DCAF6: variants seen among roughly 807,000 people sequenced by gnomAD.
DCAF6 encodes the protein DDB1 and CUL4 associated factor 6.
A neutral mutation model predicts 125.1 loss-of-function variants in DCAF6; 54 were observed. The ratio of observed to expected loss-of-function variants is 0.43; its 90% CI spans 0.35 to 0.54. The LOEUF (loss-of-function observed/expected upper bound fraction) is 0.54, where lower values mean the gene tolerates loss of function less well. Among genes scored for constraint, DCAF6 ranks in the 20% least tolerant of loss-of-function variants. DCAF6 has a pLI of 0.01. For missense variants in DCAF6, 934 were observed against 1,161.7 expected, an observed-to-expected ratio of 0.80 and a Z score of 2.85; for synonymous variants, 371 against 390.4, an observed-to-expected ratio of 0.95 and a Z score of 0.58.
chr1:168,063,990 G>C (rs2101961477), intron 18 of DCAF6: 1 of 254,936 alleles, frequency 3.9e-6, no homozygotes, highest in East Asian at 7.7e-5. Flanking sequence ...AAAATTTTTA[G>C]TTTATACAAG....
At chr1:167,948,163 T>C (rs1673369760) in intron 1 of DCAF6, among the ~76,000 whole-genome samples, 1 of 151,158 alleles carries the variant, frequency 6.6e-6, no homozygotes, top group African/African-American at 2.4e-5. Context: ...TGTTTTTAGA[T>C]GGTTTTTTCT....
chr1:167,945,650 C>T (rs1299605308), intron 1 of DCAF6, among the ~76,000 whole-genome samples: 1 of 151,622 alleles, frequency 6.6e-6, no homozygotes, highest in Non-Finnish European at 1.5e-5. Flanking sequence ...CACCACTATG[C>T]CCAGCTAATT....
At chr1:168,057,324 T>C (rs1467348519) in intron 17 of DCAF6, among the ~76,000 whole-genome samples, 1 of 152,208 alleles carries the variant, frequency 6.6e-6, no homozygotes, top group African/African-American at 2.4e-5. Context: ...AACGGGTTTA[T>C]AGACTGTTTC....
intron 16 of DCAF6, among the ~76,000 whole-genome samples, chr1:168,046,992 T>C (rs1260621030): frequency 6.6e-6 from 1 of 152,142 alleles, no homozygotes; most frequent in African/African-American, 2.4e-5. Flanking sequence ...TAGCAGCTTC[T>C]ATGCAGGCTA....
chr1:168,043,808 A>G (rs1688833753), intron 14 of DCAF6, among the ~76,000 whole-genome samples: 1 of 152,210 alleles, frequency 6.6e-6, no homozygotes, highest in East Asian at 1.9e-4. Flanking sequence ...CTGATCCTTC[A>G]TGCATCTGAC....
intron 7 of DCAF6, among the ~76,000 whole-genome samples, chr1:167,999,712 A>C (rs960167401): frequency 8.5e-5 from 13 of 152,116 alleles, no homozygotes; most frequent in Admixed American, 5.9e-4. Flanking sequence ...TACCTCTAAC[A>C]GTTTTCATAG....
chr1:167,871,067 GTT>G, the DCAF6 span, among the ~76,000 whole-genome samples: 33 of 150,440 alleles, frequency 2.2e-4, no homozygotes, highest in African/African-American at 7.6e-4. Flanking sequence ...CCTAAAGCTT[GTT>G]TTTTTTTGTT....
chr1:167,988,715 T>A (rs1461258277), intron 5 of DCAF6, among the ~76,000 whole-genome samples: 1 of 151,766 alleles, frequency 6.6e-6, no homozygotes, highest in Non-Finnish European at 1.5e-5. Flanking sequence ...AGTTACCAAC[T>A]GGTTAACATG....
chr1:168,072,632 A>C (rs1693257668), intron 21 of DCAF6, among the ~76,000 whole-genome samples: 1 of 152,202 alleles, frequency 6.6e-6, no homozygotes, highest in African/African-American at 2.4e-5. Flanking sequence ...GTAGTTGCTT[A>C]ACAAATACTG....
At chr1:167,883,121 T>A in the DCAF6 span, among the ~76,000 whole-genome samples, 16 of 152,220 alleles carry the variant, frequency 1.1e-4, no homozygotes, top group Admixed American at 7.2e-4. Context: ...CACTGCAACC[T>A]CCGCCTCTCA....
chr1:167,899,154 G>A, the DCAF6 span, among the ~76,000 whole-genome samples: 14 of 152,122 alleles, frequency 9.2e-5, no homozygotes, highest in African/African-American at 2.9e-4. Flanking sequence ...AAGCAAGGTC[G>A]CTAGCCCCTC....
chr1:167,972,774 C>T (rs1388078422), intron 3 of DCAF6, among the ~76,000 whole-genome samples: 2 of 152,140 alleles, frequency 1.3e-5, no homozygotes, highest in African/African-American at 2.4e-5. Flanking sequence ...ATGGAGAACA[C>T]TGGAAGAGGG....
chr1:168,008,401 T>G (rs182298834), intron 10 of DCAF6, among the ~76,000 whole-genome samples: 40 of 152,242 alleles, frequency 2.6e-4, no homozygotes, highest in African/African-American at 9.4e-4. Flanking sequence ...CTTGATTCCT[T>G]CCTTTTCCTC....
upstream of DCAF6, among the ~76,000 whole-genome samples, chr1:167,932,177 C>G (rs2102557561): frequency 6.6e-6 from 1 of 152,294 alleles, no homozygotes; most frequent in Admixed American, 6.5e-5. Context: ...TTTTTAGACT[C>G]TTTAGAGCTG....
intron 3 of DCAF6, among the ~76,000 whole-genome samples, chr1:167,967,226 A>G (rs776157066): frequency 3.9e-5 from 6 of 152,328 alleles, no homozygotes; most frequent in Admixed American, 3.9e-4. Context: ...AAAACAGCCA[A>G]ATGACTGCGG....
chr1:168,012,233 G>A (rs1451884421), intron 10 of DCAF6, among the ~76,000 whole-genome samples: 1 of 152,208 alleles, frequency 6.6e-6, no homozygotes, highest in East Asian at 1.9e-4. Context: ...TGTATGTATT[G>A]TAGAGGCAGG....
chr1:167,942,507 A>T (rs1672409576), intron 1 of DCAF6, among the ~76,000 whole-genome samples: 2 of 152,176 alleles, frequency 1.3e-5, no homozygotes, highest in Non-Finnish European at 2.9e-5. Flanking sequence ...AACAGTCCTT[A>T]ATCAGATATG....
chr1:168,044,372 G>A (rs1688898469), intron 14 of DCAF6, among the ~76,000 whole-genome samples: 1 of 152,138 alleles, frequency 6.6e-6, no homozygotes, highest in South Asian at 2.1e-4. Context: ...TAACAGCGTA[G>A]CAACCGCTTA....
intron 8 of DCAF6, 31 bp downstream of exon 8, chr1:168,002,606 A>G: frequency 6.6e-7 from 1 of 1,520,784 alleles, no homozygotes; most frequent in Non-Finnish European, 9.0e-7. Flanking sequence ...TTTTCTTTGT[A>G]TATGGTATTT....
Sources: allele counts gnomAD v4.1 joint callset (sites outside exome capture counted in the v4.1 genomes callset), GRCh38; gene constraint gnomAD v4.1.1; transcripts MANE v1.5; gene names NCBI Gene and HGNC (gene_info 2026-07-23, HGNC 2026-07-21).